Variants in PHACTR1 observed in about 807,000 individuals in gnomAD.
PHACTR1 encodes phosphatase and actin regulator 1, also known as RPEL repeat containing 1.
A neutral mutation model predicts 69.2 loss-of-function variants in PHACTR1; 16 were observed. The ratio of observed to expected loss-of-function variants is 0.23; its 90% CI spans 0.16 to 0.35. The LOEUF is 0.35. PHACTR1 is among the 10% of genes least tolerant of loss of function. The pLI, the probability that PHACTR1 is intolerant of heterozygous loss-of-function variation, is 1.00. For synonymous variants in PHACTR1, 312 were observed against 284.5 expected, an observed-to-expected ratio of 1.10 and a Z score of -0.97; for missense variants, 510 against 734.7, an observed-to-expected ratio of 0.69 and a Z score of 3.54.
intron 4 of PHACTR1, among the ~76,000 whole-genome samples, chr6:12,973,006 G>T (rs748839374): frequency 6.6e-6 from 1 of 152,118 alleles, no homozygotes; most frequent in Admixed American, 6.6e-5. Context: ...CTGACTTTGG[G>T]CCTCTTGCAT....
At chr6:12,734,424 TG>T (rs1230897219) in intron 3 of PHACTR1, among the ~76,000 whole-genome samples, 1 of 152,164 alleles carries the variant, frequency 6.6e-6, no homozygotes, top group Non-Finnish European at 1.5e-5. Flanking sequence ...CCTGAATCCT[TG>T]TAATGGCCCC....
intron 6 of PHACTR1, among the ~76,000 whole-genome samples, chr6:13,181,726 C>G (rs557164574): frequency 1.2e-3 from 178 of 152,066 alleles, no homozygotes; most frequent in African/African-American, 4.1e-3. Flanking sequence ...TGAGAGCTGT[C>G]CTAATAGTTT....
At chr6:13,114,041 C>G (rs1282928308) in intron 5 of PHACTR1, among the ~76,000 whole-genome samples, 2 of 152,158 alleles carry the variant, frequency 1.3e-5, no homozygotes, top group Non-Finnish European at 2.9e-5. Flanking sequence ...CAGCCATGCA[C>G]AGGGCAGATT....
intron 4 of PHACTR1, among the ~76,000 whole-genome samples, chr6:13,003,345 A>G (rs143201686): frequency 6.6e-6 from 1 of 152,110 alleles, no homozygotes; most frequent in Non-Finnish European, 1.5e-5. Context: ...CTGTTTTTTC[A>G]CCTGCTGACT....
intron 5 of PHACTR1, among the ~76,000 whole-genome samples, chr6:13,061,766 A>G (rs909299121): frequency 3.9e-5 from 6 of 152,142 alleles, no homozygotes; most frequent in African/African-American, 9.7e-5. Flanking sequence ...TGGTTTTTGC[A>G]TTAAACTAAT....
chr6:13,263,066 T>A (rs2127423713), intron 10 of PHACTR1, among the ~76,000 whole-genome samples: 1 of 152,262 alleles, frequency 6.6e-6, no homozygotes, highest in African/African-American at 2.4e-5. Flanking sequence ...CCTCAACAAG[T>A]CAGACCAACA....
At chr6:12,906,886 C>G (rs781474996) in intron 4 of PHACTR1, among the ~76,000 whole-genome samples, 16 of 152,110 alleles carry the variant, frequency 1.1e-4, no homozygotes, top group Non-Finnish European at 2.1e-4. Flanking sequence ...CTTGGCTCGA[C>G]CACTGTGATT....
intron 4 of PHACTR1, among the ~76,000 whole-genome samples, chr6:12,946,805 A>ATTTTTTTTTTT (rs11412388): frequency 1.2e-5 from 1 of 85,192 alleles, no homozygotes; most frequent in Non-Finnish European, 2.2e-5. Flanking sequence ...ATGGTGCTGG[A>ATTTTTTTTTTT]TTTTTTTTTT....
At chr6:12,956,741 A>G (rs1234778135) in intron 4 of PHACTR1, among the ~76,000 whole-genome samples, 2 of 152,104 alleles carry the variant, frequency 1.3e-5, no homozygotes, top group Non-Finnish European at 2.9e-5. Flanking sequence ...ATAATAGAAG[A>G]TTCTCGGTTT....
At chr6:13,220,495 C>G (rs1768437084) in intron 8 of PHACTR1, among the ~76,000 whole-genome samples, 1 of 152,156 alleles carries the variant, frequency 6.6e-6, no homozygotes, top group South Asian at 2.1e-4. Flanking sequence ...TTTGGACAGT[C>G]TGAATTAAAG....
chr6:12,944,783 A>ATTTTTTTTTTTTT (rs201376090), intron 4 of PHACTR1, among the ~76,000 whole-genome samples: 1 of 119,294 alleles, frequency 8.4e-6, no homozygotes, highest in African/African-American at 3.4e-5. Context: ...ATTTATTTTT[A>ATTTTTTTTTTTTT]TTTATTTTTT....
intron 4 of PHACTR1, among the ~76,000 whole-genome samples, chr6:12,976,059 A>G (rs904585966): frequency 1.3e-5 from 2 of 152,194 alleles, no homozygotes; most frequent in Non-Finnish European, 2.9e-5. Flanking sequence ...TGAGAACTCA[A>G]CTTGCCAACA....
At chr6:12,924,794 A>T (rs967314386) in intron 4 of PHACTR1, among the ~76,000 whole-genome samples, 13 of 145,616 alleles carry the variant, frequency 8.9e-5, no homozygotes, top group African/African-American at 2.0e-4. Flanking sequence ...AAAAAAAAAA[A>T]TTTAAACTAT....
At position 13,107,948 on chromosome 6, in the gene PHACTR1, G is replaced by A. The variant is rs564781100; in HGVS notation, c.416-52256G>A. On this transcript the variant is annotated intron_variant, in intron 5 of 14. Transcript: ENST00000332995. ...CTCTATTGGAATTCAATTTGATTTC[G>A]CTTCTTCCATTTCTTTAAAGTGGGA... Among the ~76,000 whole-genome samples the A allele has an allele frequency of 1.0e-3, 152 of 151,202 alleles. 1 individual carries two copies. Among genetic ancestry groups the A allele is most frequent in the African/African-American group, 3.2e-3 (131 of 41,256 alleles).
chr6:13,105,787 G>T (rs187250787), intron 5 of PHACTR1, among the ~76,000 whole-genome samples: 1 of 152,124 alleles, frequency 6.6e-6, no homozygotes, highest in Non-Finnish European at 1.5e-5. Context: ...AGTTTATTTG[G>T]GCCAAGCTTG....
chr6:13,276,760 A>C (rs1217652304), intron 11 of PHACTR1, among the ~76,000 whole-genome samples: 13 of 152,328 alleles, frequency 8.5e-5, no homozygotes, highest in East Asian at 5.8e-4. Context: ...CAACAGAGCA[A>C]GACTCCATCT....
rs951551763 is a variant in PHACTR1, at chr6:13,283,683, G to A, written c.1650+121G>A. 1.4e-6 allele frequency: 2 copies of A among 1,454,114 alleles called. No homozygotes were observed. Among genetic ancestry groups the A allele is most frequent in the Admixed American group, 1.7e-5 (1 of 57,536 alleles). The allele number at this position is 1,454,114 out of a possible 1,614,324, so 90.1% of individuals were successfully genotyped here. Reference sequence around the variant, plus strand: ...AGGCCTCAGCCGCAGTCCCCATAATGGAGTGTTGAGACCCCAACACCTTTC... The same window carrying A: ...AGGCCTCAGCCGCAGTCCCCATAATAGAGTGTTGAGACCCCAACACCTTTC... On this transcript the variant is annotated intron_variant, in intron 13 of 14. Coordinates refer to ENST00000332995, the MANE Select transcript of PHACTR1 (RefSeq NM_030948.6). This position sits in a 1 kb window ranked among gnomAD's most constrained non-coding sequence, Gnocchi z 4.7.
chr6:13,281,058 G>A, intron 12 of PHACTR1: 1 of 1,289,570 alleles, frequency 7.8e-7, no homozygotes, highest in Non-Finnish European at 1.0e-6. Context: ...ATGCTGTCTT[G>A]ATTTGGAAAG....
At chr6:12,906,538 C>A (rs2127489685) in intron 4 of PHACTR1, among the ~76,000 whole-genome samples, 1 of 152,282 alleles carries the variant, frequency 6.6e-6, no homozygotes, top group Non-Finnish European at 1.5e-5. Flanking sequence ...GTATTCTCTC[C>A]TTTAAAATCC....
Sources: gnomAD v4.1 joint callset for allele counts (sites outside exome capture counted in the v4.1 genomes callset) on GRCh38, gnomAD v4.1.1 for gene constraint, Gnocchi (gnomAD v3.1) non-coding constraint, MANE v1.5 for transcripts, NCBI Gene and HGNC (gene_info 2026-07-23, HGNC 2026-07-21) for gene names.